Variants in PRKG1 observed in about 807,000 individuals in gnomAD.
PRKG1 encodes cGMP-dependent protein kinase 1.
In PRKG1, 35 loss-of-function variants were observed where a neutral mutation model predicts 88.1. The observed-to-expected ratio is 0.40, with a 90% confidence interval of 0.30 to 0.53. The LOEUF is 0.53. Ranked by LOEUF, PRKG1 falls within the 20% of genes least tolerant of loss-of-function variation. The pLI is 0.59. For synonymous variants in PRKG1, 303 were observed against 292.5 expected (o/e 1.04, Z -0.37); for missense variants, 540 against 839.8 (o/e 0.64, Z 4.41).
At chr10:51,615,660 C>CT (rs1234102470) in intron 3 of PRKG1, among the ~76,000 whole-genome samples, 8 of 146,972 alleles carry the variant, frequency 5.4e-5, no homozygotes, top group African/African-American at 1.5e-4. Context: ...CTGCTTGGTT[C>CT]TTTTTTTTTT....
intron 1 of PRKG1, among the ~76,000 whole-genome samples, chr10:51,089,699 G>A (rs1844351953): frequency 6.6e-6 from 1 of 152,092 alleles, no homozygotes; most frequent in Non-Finnish European, 1.5e-5. Flanking sequence ...CATATTCATT[G>A]GCTAGAAAAA....
intron 2 of PRKG1, among the ~76,000 whole-genome samples, chr10:51,354,007 A>T (rs1161843133): frequency 1.3e-5 from 2 of 152,158 alleles, no homozygotes; most frequent in Non-Finnish European, 1.5e-5. Context: ...CATGGATGGA[A>T]CTGGAGGTCA....
chr10:52,143,558 G>T, intron 8 of PRKG1, among the ~76,000 whole-genome samples: 1 of 152,148 alleles, frequency 6.6e-6, no homozygotes, highest in South Asian at 2.1e-4. Flanking sequence ...TAGAACTTGT[G>T]CCAGGAATCT....
intron 3 of PRKG1, among the ~76,000 whole-genome samples, chr10:51,714,414 C>T (rs1291781811): frequency 6.6e-6 from 1 of 152,092 alleles, no homozygotes; most frequent in Admixed American, 6.5e-5. Flanking sequence ...CCTGCAGCAA[C>T]CTTCAATCAG....
At chr10:51,641,295 C>T (rs929527385) in intron 3 of PRKG1, among the ~76,000 whole-genome samples, 1 of 152,106 alleles carries the variant, frequency 6.6e-6, no homozygotes, top group Admixed American at 6.5e-5. Context: ...ATTAATTGTC[C>T]TGAGTCCCTG....
At chr10:52,036,413 G>A (rs1219023223) in intron 5 of PRKG1, among the ~76,000 whole-genome samples, 1 of 150,492 alleles carries the variant, frequency 6.6e-6, no homozygotes, top group Non-Finnish European at 1.5e-5. Context: ...TAAAATGGGG[G>A]AATTGTAAGG....
At chr10:51,341,816 C>G (rs1209054414) in intron 2 of PRKG1, among the ~76,000 whole-genome samples, 1 of 152,140 alleles carries the variant, frequency 6.6e-6, no homozygotes, top group East Asian at 1.9e-4. Flanking sequence ...CTGGGGAGGC[C>G]TCACAATCAT....
intron 2 of PRKG1, among the ~76,000 whole-genome samples, chr10:51,186,954 T>TTTTATATATATATATATA (rs1318166640): frequency 6.9e-5 from 9 of 131,254 alleles, no homozygotes; most frequent in African/African-American, 1.8e-4. Context: ...AGGCCCTGTG[T>TTTTATATATATATATATA]TATATATATA....
chr10:52,189,512 A>G (rs1313861300), intron 9 of PRKG1, among the ~76,000 whole-genome samples: 3 of 152,158 alleles, frequency 2.0e-5, no homozygotes, highest in Non-Finnish European at 4.4e-5. Context: ...TTAGATTCTC[A>G]TAGGAAAGCA....
chr10:52,258,564 G>A (rs1841360170), intron 10 of PRKG1, among the ~76,000 whole-genome samples: 1 of 151,918 alleles, frequency 6.6e-6, no homozygotes, highest in Admixed American at 6.6e-5. Context: ...GTCATTGAAA[G>A]AGCTGTTGTT....
chr10:52,233,325 T>A (rs1840574839), intron 9 of PRKG1, among the ~76,000 whole-genome samples: 1 of 151,652 alleles, frequency 6.6e-6, no homozygotes, highest in South Asian at 2.1e-4. Context: ...TAAAGAATTG[T>A]CATAATAGCT....
chr10:51,656,307 T>A (rs964624382), intron 3 of PRKG1, among the ~76,000 whole-genome samples: 1 of 152,120 alleles, frequency 6.6e-6, no homozygotes, highest in African/African-American at 2.4e-5. Context: ...TATCAGGAAT[T>A]AATATTTTCT....
chr10:51,735,885 ATTTATT>A (rs1837260447), intron 3 of PRKG1, among the ~76,000 whole-genome samples: 1 of 94,478 alleles, frequency 1.1e-5, no homozygotes, highest in African/African-American at 4.9e-5. Context: ...ATATATGTAT[ATTTATT>A]TATTTATTTA....
intron 3 of PRKG1, among the ~76,000 whole-genome samples, chr10:51,592,053 C>G (rs1055754732): frequency 2.0e-5 from 3 of 152,116 alleles, no homozygotes; most frequent in Admixed American, 6.5e-5. Flanking sequence ...GACAGTTTTT[C>G]CAGAAGGACA....
intron 8 of PRKG1, among the ~76,000 whole-genome samples, chr10:52,152,693 G>T (rs974885589): frequency 1.3e-5 from 2 of 152,146 alleles, no homozygotes; most frequent in Non-Finnish European, 2.9e-5. Context: ...GTTTTTAAAA[G>T]ATTACTCTGC....
intron 3 of PRKG1, among the ~76,000 whole-genome samples, chr10:51,625,735 A>T (rs887468379): frequency 5.9e-5 from 9 of 152,230 alleles, no homozygotes; most frequent in African/African-American, 2.2e-4. Context: ...AAAAAAAAAA[A>T]AGAATATATG....
At chr10:51,466,174 G>A (rs1471439957) in intron 2 of PRKG1, among the ~76,000 whole-genome samples, 1 of 151,992 alleles carries the variant, frequency 6.6e-6, no homozygotes, top group Non-Finnish European at 1.5e-5. Context: ...GCATAGGTTT[G>A]CCACTGAAAA....
intron 2 of PRKG1, among the ~76,000 whole-genome samples, chr10:51,295,122 TC>T (rs1435498491): frequency 6.6e-6 from 1 of 152,004 alleles, no homozygotes; most frequent in Non-Finnish European, 1.5e-5. Flanking sequence ...CTATTGAAGG[TC>T]TTTTATGGTT....
At chr10:51,868,510 A>G (rs537575971) in intron 4 of PRKG1, among the ~76,000 whole-genome samples, 1 of 152,130 alleles carries the variant, frequency 6.6e-6, no homozygotes, top group African/African-American at 2.4e-5. Flanking sequence ...ATTTTTTTTC[A>G]TCTGTAGGAT....
Sources: gnomAD v4.1 joint callset for allele counts (sites outside exome capture counted in the v4.1 genomes callset) on GRCh38, gnomAD v4.1.1 for gene constraint, MANE v1.5 for transcripts, NCBI Gene and HGNC (gene_info 2026-07-23, HGNC 2026-07-21) for gene names.